Variants in SLC35D2 observed in about 807,000 individuals in gnomAD.
The protein encoded by SLC35D2 is solute carrier family 35 member D2.
SLC35D2 carries 43 observed loss-of-function variants against 41.8 expected under a neutral mutation model. The ratio of observed to expected loss-of-function variants is 1.03; its 90% CI spans 0.81 to 1.33. The LOEUF (loss-of-function observed/expected upper bound fraction) is 1.33, where lower values mean the gene tolerates loss of function less well. Ranked by LOEUF, SLC35D2 falls within the 40% of genes most tolerant of loss-of-function variation. The probability of loss-of-function intolerance (pLI) is 0.00; values close to 1 mark genes in which losing one functional copy is unlikely to be tolerated. For synonymous variants in SLC35D2, 150 were observed against 163.9 expected, an observed-to-expected ratio of 0.92 and a Z score of 0.65; for missense variants, 380 against 408.4, an observed-to-expected ratio of 0.93 and a Z score of 0.60.
chr9:96,359,132 G>A (rs1007008828), intron 4 of SLC35D2, among the ~76,000 whole-genome samples: 4 of 151,772 alleles, frequency 2.6e-5, no homozygotes, highest in South Asian at 2.1e-4. Context: ...GTGAAACCCC[G>A]TCCCTACTAA....
chr9:96,362,488 T>C (rs539379289), intron 3 of SLC35D2, among the ~76,000 whole-genome samples: 30 of 150,206 alleles, frequency 2.0e-4, no homozygotes, highest in African/African-American at 6.9e-4. Context: ...GCCTGGGCAA[T>C]AAGAGCAAAA....
intron 10 of SLC35D2, among the ~76,000 whole-genome samples, chr9:96,323,363 C>T (rs1273412408): frequency 6.6e-6 from 1 of 152,070 alleles, no homozygotes; most frequent in East Asian, 1.9e-4. Context: ...AACACCCACA[C>T]ACCAACCCAC....
intron 9 of SLC35D2, among the ~76,000 whole-genome samples, chr9:96,326,610 T>A (rs1828540403): frequency 6.6e-6 from 1 of 152,066 alleles, no homozygotes; most frequent in South Asian, 2.1e-4. Flanking sequence ...GAGACCATCC[T>A]GGCCAACATG....
intron 1 of SLC35D2, among the ~76,000 whole-genome samples, chr9:96,368,877 G>T (rs1830575797): frequency 6.6e-6 from 1 of 151,818 alleles, no homozygotes; most frequent in Non-Finnish European, 1.5e-5. Flanking sequence ...CGATTCTCCT[G>T]CCTCAGCCTC....
At chr9:96,340,619 CAAAAAAAAAAA>C (rs57501812) in intron 8 of SLC35D2, among the ~76,000 whole-genome samples, 3 of 35,382 alleles carry the variant, frequency 8.5e-5, no homozygotes, top group South Asian at 2.4e-3. Flanking sequence ...GACTCCATCT[CAAAAAAAAAAA>C]AAAAAAAAAA....
chr9:96,368,735 T>C (rs1587715480), intron 1 of SLC35D2, among the ~76,000 whole-genome samples: 1 of 132,860 alleles, frequency 7.5e-6, no homozygotes, highest in Non-Finnish European at 1.6e-5. Flanking sequence ...TTATACTCCC[T>C]CTCTCTCTCT....
chr9:96,334,823 T>C (rs1828977329), intron 9 of SLC35D2, among the ~76,000 whole-genome samples: 1 of 151,926 alleles, frequency 6.6e-6, no homozygotes, highest in Non-Finnish European at 1.5e-5. Flanking sequence ...CCTAAAGAAA[T>C]AAAAGGCACA....
downstream of SLC35D2, chr9:96,320,600 C>G (rs1034838911): frequency 1.3e-5 from 2 of 151,262 alleles, no homozygotes; most frequent in East Asian, 1.9e-4. Flanking sequence ...TCCCCAACCT[C>G]GAGTCATAAA....
At chr9:96,364,664 C>T in intron 2 of SLC35D2, 114 bp from the exon 3 acceptor site, 1 of 723,814 alleles carries the variant, frequency 1.4e-6, no homozygotes, top group South Asian at 1.5e-5. Flanking sequence ...GCAAAAAATT[C>T]ATTTTCTAGG....
intron 7 of SLC35D2, among the ~76,000 whole-genome samples, chr9:96,344,735 G>A (rs1282548306): frequency 6.7e-6 from 1 of 148,688 alleles, no homozygotes; most frequent in African/African-American, 2.5e-5. Flanking sequence ...GGATGGGGGA[G>A]GGGGAGGGAT....
chr9:96,347,740 G>A (rs1039548597), intron 6 of SLC35D2, among the ~76,000 whole-genome samples: 11 of 152,194 alleles, frequency 7.2e-5, no homozygotes, highest in South Asian at 2.1e-4. Flanking sequence ...ATTCCCAGGC[G>A]GTTAAGGCAT....
chr9:96,320,262 C>T (rs1418233665), downstream of SLC35D2, among the ~76,000 whole-genome samples: 1 of 152,158 alleles, frequency 6.6e-6, no homozygotes, highest in African/African-American at 2.4e-5. Context: ...GCCTGTGATC[C>T]CAGCACTTTA....
At chr9:96,355,210 G>T (rs1587694346) in intron 4 of SLC35D2, among the ~76,000 whole-genome samples, 1 of 151,918 alleles carries the variant, frequency 6.6e-6, no homozygotes, top group Admixed American at 6.6e-5. Context: ...TATAGATGGG[G>T]TTTCACCATG....
chr9:96,365,918 C>A (rs1018944618), intron 2 of SLC35D2, among the ~76,000 whole-genome samples: 2 of 151,194 alleles, frequency 1.3e-5, no homozygotes, highest in African/African-American at 4.8e-5. Flanking sequence ...AGTTTACAAA[C>A]TTAAAACTTA....
Position 96,344,012 on chromosome 9 carries a change from T to C in SLC35D2, c.592-16A>G. On this transcript the variant is annotated splice_polypyrimidine_tract_variant and intron_variant, in intron 7 of 11. Transcript: ENST00000253270. ...TCCCTAGCTCCTGCAAAAACAAAAA[T>C]GTAAAAACCACTCAGTTTCAGAAAC... is the stretch of plus-strand genomic sequence containing the variant. The C allele has an allele frequency of 6.5e-7, 1 of 1,532,902 alleles. No individual in the cohort carries two copies. Among genetic ancestry groups the C allele is most frequent in the Non-Finnish European group, 8.8e-7 (1 of 1,130,148 alleles). The allele number at this position is 1,532,902 out of a possible 1,614,324, so 95.0% of individuals were successfully genotyped here.
chr9:96,360,199 T>C lies in SLC35D2; in HGVS notation c.302A>G (p.Tyr101Cys), dbSNP rs200009581. 1.2e-5 allele frequency: 19 copies of C among 1,612,596 alleles called. No homozygotes were observed. Among genetic ancestry groups the C allele is most frequent in the Middle Eastern group, 3.3e-4 (2 of 6,062 alleles). Residue 101 changes from tyrosine to cysteine, a missense_variant, in exon 4 of 12, where the codon TAC (tyrosine) becomes TGC (cysteine). By Grantham distance (194) the Tyr-to-Cys change is radical. Coordinates refer to ENST00000253270, the MANE Select transcript of SLC35D2 (RefSeq NM_007001.3). ...PVKLFPLPLLYVGNHISGLSS... is the reference protein window; with the variant it reads ...PVKLFPLPLLCVGNHISGLSS... ...TAATCCACTTATGTGGTTTCCAACGTAGAGGAGAGGCAGAGGAAACAGCTT... is the reference window on the plus strand; with the variant it reads ...TAATCCACTTATGTGGTTTCCAACGCAGAGGAGAGGCAGAGGAAACAGCTT...
chr9:96,344,809 A>G (rs1286831445), intron 7 of SLC35D2, among the ~76,000 whole-genome samples: 1 of 151,880 alleles, frequency 6.6e-6, no homozygotes, highest in East Asian at 1.9e-4. Flanking sequence ...CCTCATCATC[A>G]GAAGCAGCAG....
chr9:96,362,376 G>A (rs984180770), intron 3 of SLC35D2, among the ~76,000 whole-genome samples: 3 of 152,070 alleles, frequency 2.0e-5, no homozygotes, highest in Non-Finnish European at 2.9e-5. Flanking sequence ...GCATGGCGGC[G>A]CATGCCTGTA....
intron 4 of SLC35D2, among the ~76,000 whole-genome samples, chr9:96,358,832 T>C (rs1424525664): frequency 6.6e-6 from 1 of 151,596 alleles, no homozygotes; most frequent in Non-Finnish European, 1.5e-5. Flanking sequence ...TTACTAAAAA[T>C]ACAAAAATTA....
Sources: allele counts gnomAD v4.1 joint callset (sites outside exome capture counted in the v4.1 genomes callset), GRCh38; gene constraint gnomAD v4.1.1; transcripts MANE v1.5; gene names NCBI Gene and HGNC (gene_info 2026-07-23, HGNC 2026-07-21).